RANBP2: variants seen among roughly 807,000 people sequenced by gnomAD.
RANBP2 encodes the protein E3 SUMO-protein ligase RanBP2.
In RANBP2, 57 loss-of-function variants were observed where a neutral mutation model predicts 303.6. The observed-to-expected ratio is 0.19, with a 90% CI of 0.15 to 0.23. The LOEUF (loss-of-function observed/expected upper bound fraction) is 0.23, where lower values mean the gene tolerates loss of function less well. RANBP2 is among the 10% of genes least tolerant of loss of function. The pLI is 1.00. For missense variants in RANBP2, 3,138 were observed against 3,780.8 expected (o/e 0.83, Z 4.46); for synonymous variants, 1,167 against 1,301.5 (o/e 0.90, Z 2.23).
At chr2:109,643,007 T>C in the RANBP2 span, among the ~76,000 whole-genome samples, 1 of 152,072 alleles carries the variant, frequency 6.6e-6, no homozygotes, top group South Asian at 2.1e-4. Context: ...AGACCCTGTC[T>C]CTACTAAAAT....
the RANBP2 span, among the ~76,000 whole-genome samples, chr2:108,964,274 T>C: frequency 6.6e-6 from 1 of 152,124 alleles, no homozygotes; most frequent in African/African-American, 2.4e-5. Context: ...AGGACTTTTC[T>C]GAGGTCCACC....
At chr2:109,419,048 AG>A in the RANBP2 span, among the ~76,000 whole-genome samples, 1 of 151,914 alleles carries the variant, frequency 6.6e-6, no homozygotes, top group African/African-American at 2.4e-5. Flanking sequence ...TCTTGGGGGG[AG>A]GGGGGCACCC....
At chr2:109,659,100 A>C in the RANBP2 span, among the ~76,000 whole-genome samples, 1 of 144,848 alleles carries the variant, frequency 6.9e-6, no homozygotes, top group Non-Finnish European at 1.5e-5. Flanking sequence ...CTCACAGCCA[A>C]GCGCAGTGGC....
the RANBP2 span, among the ~76,000 whole-genome samples, chr2:109,237,372 C>A: frequency 6.6e-6 from 1 of 152,042 alleles, no homozygotes; most frequent in Non-Finnish European, 1.5e-5. Flanking sequence ...TCTCAGCTTT[C>A]AAAGTAACAA....
Position 108,765,519 on chromosome 2 carries a change from A to G in RANBP2, c.4980A>G (p.Gly1660=). Reference sequence around the variant, plus strand: ...AGGCTCCAAAGAGCGGATTTGAGGGAATGTTCACTAAGAAGGAGGGACAGT... The same window carrying G: ...AGGCTCCAAAGAGCGGATTTGAGGGGATGTTCACTAAGAAGGAGGGACAGT... ...TSKAPKSGFE[G]MFTKKEGQWD... Residue 1660 remains glycine (G), a synonymous_variant, in exon 20 of 29, where the codon GGA becomes GGG. Coordinates refer to ENST00000283195, the MANE Select transcript of RANBP2 (RefSeq NM_006267.5). 6.4e-7 allele frequency: 1 copy of G among 1,564,010 alleles called. No homozygotes were observed. Among genetic ancestry groups the G allele is most frequent in the Non-Finnish European group, 8.6e-7 (1 of 1,159,978 alleles).
At chr2:109,419,720 G>C in the RANBP2 span, 1 of 1,380,394 alleles carries the variant, frequency 7.2e-7, no homozygotes, top group Non-Finnish European at 9.9e-7. Flanking sequence ...TCCACGTGTG[G>C]TTTCCGCAGG....
the RANBP2 span, among the ~76,000 whole-genome samples, chr2:109,724,783 G>C: frequency 6.6e-6 from 1 of 152,166 alleles, no homozygotes; most frequent in South Asian, 2.1e-4. Context: ...AGGACTTTGT[G>C]GCAGGACTAC....
chr2:109,561,715 CTCAGG>C, the RANBP2 span, among the ~76,000 whole-genome samples: 9 of 152,184 alleles, frequency 5.9e-5, no homozygotes, highest in Non-Finnish European at 1.0e-4. Context: ...TCCCATCCTC[CTCAGG>C]TCAATAACGA....
the RANBP2 span, among the ~76,000 whole-genome samples, chr2:109,677,616 G>A: frequency 1.1e-4 from 17 of 152,248 alleles, no homozygotes; most frequent in Middle Eastern, 3.4e-3. Context: ...CTCCAGCCAG[G>A]CTTTCTCACA....
chr2:109,433,846 G>T, the RANBP2 span, among the ~76,000 whole-genome samples: 1 of 152,222 alleles, frequency 6.6e-6, no homozygotes, highest in Non-Finnish European at 1.5e-5. Flanking sequence ...GCAGGGAAAA[G>T]CTTGAGAAGC....
chr2:108,944,013 T>C, the RANBP2 span, among the ~76,000 whole-genome samples: 1 of 152,174 alleles, frequency 6.6e-6, no homozygotes, highest in Non-Finnish European at 1.5e-5. Flanking sequence ...GTAAAAGGCT[T>C]GATGTAGATT....
the RANBP2 span, among the ~76,000 whole-genome samples, chr2:109,608,953 C>A: frequency 1.3e-5 from 2 of 152,152 alleles, no homozygotes; most frequent in African/African-American, 2.4e-5. Flanking sequence ...AAGCAAGGGT[C>A]CTGTATGTAT....
At chr2:109,482,593 GA>G in the RANBP2 span, among the ~76,000 whole-genome samples, 1 of 152,200 alleles carries the variant, frequency 6.6e-6, no homozygotes, top group Non-Finnish European at 1.5e-5. Flanking sequence ...TGACCCCTAA[GA>G]GGGGGAGAGC....
At chr2:108,893,995 T>TATC in the RANBP2 span, among the ~76,000 whole-genome samples, 1 of 151,172 alleles carries the variant, frequency 6.6e-6, no homozygotes, top group Non-Finnish European at 1.5e-5. Flanking sequence ...CTCTGTTATC[T>TATC]ATCTAGGTTG....
At chr2:109,512,304 C>CA in the RANBP2 span, among the ~76,000 whole-genome samples, 1 of 152,078 alleles carries the variant, frequency 6.6e-6, no homozygotes, top group Admixed American at 6.5e-5. Flanking sequence ...ATCCCTGCTG[C>CA]TCCCAGGGTG....
the RANBP2 span, among the ~76,000 whole-genome samples, chr2:108,872,140 TAAAC>T: frequency 6.6e-6 from 1 of 152,196 alleles, no homozygotes; most frequent in African/African-American, 2.4e-5. Flanking sequence ...ACTTAGTAAA[TAAAC>T]ATTGCTTTGT....
At chr2:108,844,816 C>A in the RANBP2 span, among the ~76,000 whole-genome samples, 1 of 149,982 alleles carries the variant, frequency 6.7e-6, no homozygotes, top group African/African-American at 2.5e-5. Context: ...GGCACGATCT[C>A]GGCTCACTGC....
At chr2:109,542,500 A>T in the RANBP2 span, among the ~76,000 whole-genome samples, 1 of 152,326 alleles carries the variant, frequency 6.6e-6, no homozygotes, top group South Asian at 2.1e-4. Context: ...GCTGCTTTAT[A>T]AACAGTATGG....
the RANBP2 span, among the ~76,000 whole-genome samples, chr2:109,239,290 A>G: frequency 6.6e-6 from 1 of 152,170 alleles, no homozygotes; most frequent in Admixed American, 6.5e-5. Flanking sequence ...GGGTCTCTGT[A>G]TGGAAGCTTT....
Sources: gnomAD v4.1 joint callset for allele counts (sites outside exome capture counted in the v4.1 genomes callset) on GRCh38, gnomAD v4.1.1 for gene constraint, MANE v1.5 for transcripts, NCBI Gene and HGNC (gene_info 2026-07-23, HGNC 2026-07-21) for gene names.